The following LCORL variants were observed in gnomAD, a reference collection of about 807,000 sequenced individuals.
LCORL encodes ligand-dependent nuclear receptor corepressor-like protein.
LCORL carries 41 observed loss-of-function variants against 141.8 expected under a neutral mutation model. The ratio of observed to expected loss-of-function variants is 0.29; its 90% CI spans 0.23 to 0.38. LCORL has a LOEUF of 0.38. Among genes scored for constraint, LCORL ranks in the 10% least tolerant of loss-of-function variants. The pLI is 1.00. For synonymous variants in LCORL, 618 were observed against 694.1 expected, an observed-to-expected ratio of 0.89 and a Z score of 1.72; for missense variants, 1,759 against 2,035.0, an observed-to-expected ratio of 0.86 and a Z score of 2.61.
At chr4:17,909,974 A>G (rs747219736) in intron 4 of LCORL, among the ~76,000 whole-genome samples, 7 of 152,134 alleles carry the variant, frequency 4.6e-5, no homozygotes, top group Non-Finnish European at 1.0e-4. Flanking sequence ...CTTTCTTTTT[A>G]CTTTATTTTT....
At position 17,875,546 on chromosome 4, in the gene LCORL, C is replaced by T. The variant is rs995162159; in HGVS notation, c.3444G>A (p.Arg1148=). The T allele has an allele frequency of 4.1e-6, 5 of 1,231,110 alleles. No individual in the cohort carries two copies. In the South Asian group the frequency reaches 1.2e-4, roughly 30 times the overall value. 76.3% of individuals were successfully genotyped at this position (1,231,110 alleles called of 1,614,324 possible). A position where few individuals can be genotyped will look rare whatever the true frequency, so the allele number is the denominator to read the frequency against. The change falls in exon 7 of 8, where the codon AGG becomes AGA. Residue 1148 remains arginine (R), a synonymous_variant. Transcript: ENST00000635767. ...AAACATGCCTTTTAGTTCTTCTTGA[C>T]CTTCCGTAAATAACAGTTACTGTAA...
At chr4:17,903,173 C>A (rs1055163842) in intron 5 of LCORL, among the ~76,000 whole-genome samples, 41 of 152,032 alleles carry the variant, frequency 2.7e-4, no homozygotes, top group African/African-American at 8.7e-4. Context: ...TACTGTGTAC[C>A]ATACCAAGCA....
chr4:17,853,790 T>C (rs1002541858), intron 7 of LCORL, among the ~76,000 whole-genome samples: 1 of 152,134 alleles, frequency 6.6e-6, no homozygotes, highest in Non-Finnish European at 1.5e-5. Context: ...AATATCACGA[T>C]AGGTTTGTTA....
At chr4:17,879,056 T>G (rs2109193969) in intron 6 of LCORL, among the ~76,000 whole-genome samples, 1 of 151,344 alleles carries the variant, frequency 6.6e-6, no homozygotes, top group South Asian at 2.1e-4. Context: ...ACTCTGTACA[T>G]GAAAATTGCC....
chr4:17,842,176 T>C (rs1207081241), exon 8 of LCORL: 2 of 661,244 alleles, frequency 3.0e-6, no homozygotes, highest in African/African-American at 3.7e-5. Flanking sequence ...CCAAGATGGC[T>C]AGAACAAGTA....
rs953655481 is a variant in LCORL, at chr4:18,021,154, C to T, written c.154+444G>A. Among the ~76,000 whole-genome samples, 1 of 151,978 alleles carries T rather than the reference C, an allele frequency of 6.6e-6. No homozygotes were observed. The highest frequency in any genetic ancestry group is 2.4e-5 in the African/African-American group (1 of 41,428). On this transcript the variant is annotated intron_variant, in intron 1 of 7. Coordinates refer to ENST00000635767, the Ensembl canonical transcript of LCORL. The surrounding 1 kb of genome is among the most constrained non-coding windows in gnomAD (Gnocchi z 5.5). ...CGGCGGCGACAAGGGGGTGTGTGTG[C>T]GCTCGGCGGGGGCGCGGACCAGCCC...
chr4:17,981,439 A>G (rs1433500885), intron 1 of LCORL, among the ~76,000 whole-genome samples: 2 of 152,170 alleles, frequency 1.3e-5, no homozygotes, highest in African/African-American at 2.4e-5. Flanking sequence ...ACTGAGTTTC[A>G]GTATATTTTA....
intron 1 of LCORL, among the ~76,000 whole-genome samples, chr4:17,986,267 G>C (rs1718952495): frequency 6.6e-6 from 1 of 152,106 alleles, no homozygotes; most frequent in African/African-American, 2.4e-5. Flanking sequence ...TCTTTCAGGG[G>C]TTCTCTGTAT....
chr4:17,849,234 T>C (rs1723327601), intron 7 of LCORL, among the ~76,000 whole-genome samples: 2 of 152,156 alleles, frequency 1.3e-5, no homozygotes, highest in South Asian at 2.1e-4. Flanking sequence ...CCTCCTCAGG[T>C]GGGTCCCTGA....
intron 1 of LCORL, among the ~76,000 whole-genome samples, chr4:17,975,933 T>C (rs1459885659): frequency 1.3e-5 from 2 of 152,158 alleles, no homozygotes; most frequent in African/African-American, 2.4e-5. Context: ...TTTTCTGTCT[T>C]TTCTCCTTTT....
chr4:17,946,462 T>G (rs1560385462), intron 4 of LCORL, among the ~76,000 whole-genome samples: 1 of 152,026 alleles, frequency 6.6e-6, no homozygotes, highest in African/African-American at 2.4e-5. Flanking sequence ...GAAGCAAGTA[T>G]GTATCCCATG....
intron 1 of LCORL, among the ~76,000 whole-genome samples, chr4:18,015,169 T>C (rs753113483): frequency 3.9e-5 from 6 of 152,032 alleles, no homozygotes; most frequent in Non-Finnish European, 5.9e-5. Flanking sequence ...AAGACCAGGG[T>C]TGAAAGTCAG....
intron 1 of LCORL, among the ~76,000 whole-genome samples, chr4:17,986,370 C>T (rs545412505): frequency 2.0e-5 from 3 of 152,284 alleles, no homozygotes; most frequent in East Asian, 3.9e-4. Flanking sequence ...TTTTCTATTT[C>T]GCTGTCCCTT....
intron 1 of LCORL, among the ~76,000 whole-genome samples, chr4:18,014,655 C>T (rs1213750704): frequency 1.3e-5 from 2 of 152,192 alleles, no homozygotes; most frequent in African/African-American, 2.4e-5. Flanking sequence ...GACAATTCCT[C>T]ATTTTAAGTT....
chr4:18,014,035 T>A (rs1051145785), intron 1 of LCORL, among the ~76,000 whole-genome samples: 1 of 152,108 alleles, frequency 6.6e-6, no homozygotes, highest in Non-Finnish European at 1.5e-5. Flanking sequence ...CTCCAACTCC[T>A]GGGCTCAAGT....
chr4:17,973,976 T>C (rs577305918), intron 1 of LCORL, among the ~76,000 whole-genome samples: 14 of 151,954 alleles, frequency 9.2e-5, no homozygotes, highest in Admixed American at 3.3e-4. Context: ...TGAAATAAAA[T>C]CTTCTGTGAA....
intron 5 of LCORL, among the ~76,000 whole-genome samples, chr4:17,898,421 T>C (rs1313048232): frequency 6.6e-6 from 1 of 152,144 alleles, no homozygotes. Context: ...ATACAGAATA[T>C]TTACATAAAA....
At chr4:17,890,967 C>G (rs1030424084) in intron 5 of LCORL, among the ~76,000 whole-genome samples, 13 of 152,098 alleles carry the variant, frequency 8.5e-5, no homozygotes, top group Non-Finnish European at 1.9e-4. Flanking sequence ...TTCCACCCCT[C>G]CAAGGAAATC....
chr4:17,856,350 C>T (rs1425557841), intron 7 of LCORL, among the ~76,000 whole-genome samples: 3 of 152,098 alleles, frequency 2.0e-5, no homozygotes, highest in East Asian at 3.9e-4. Context: ...AATCTGATGA[C>T]GCTGGTGTTC....
Sources: gnomAD v4.1 joint callset for allele counts (sites outside exome capture counted in the v4.1 genomes callset) on GRCh38, gnomAD v4.1.1 for gene constraint, Gnocchi (gnomAD v3.1) non-coding constraint, MANE v1.5 for transcripts, NCBI Gene and HGNC (gene_info 2026-07-23, HGNC 2026-07-21) for gene names.